SLC15A2: variants seen among roughly 807,000 people sequenced by gnomAD.
SLC15A2 encodes the protein solute carrier family 15 member 2.
Under a neutral mutation model 95.5 loss-of-function variants are expected in SLC15A2, and 77 were observed. That is an observed-to-expected ratio of 0.81 (90% CI 0.67 to 0.97). The LOEUF (loss-of-function observed/expected upper bound fraction) is 0.97. Ranked by LOEUF, SLC15A2 falls within the 50% of genes least tolerant of loss-of-function variation. The pLI is 0.00. For synonymous variants in SLC15A2, 306 were observed against 306.9 expected, an observed-to-expected ratio of 1.00 and a Z score of 0.03; for missense variants, 893 against 874.4, an observed-to-expected ratio of 1.02 and a Z score of -0.27.
chr3:121,917,455 G>A (rs563353927), intron 7 of SLC15A2, among the ~76,000 whole-genome samples: 59 of 152,268 alleles, frequency 3.9e-4, no homozygotes, highest in Admixed American at 5.2e-4. Context: ...TTGGGAGGCC[G>A]AGGCAGGAGG....
At chr3:121,912,586 C>T (rs533488829) in intron 4 of SLC15A2, among the ~76,000 whole-genome samples, 67 of 152,224 alleles carry the variant, frequency 4.4e-4, no homozygotes, top group Non-Finnish European at 6.0e-4. Context: ...AAATCTTTGA[C>T]ACTGTTGCTA....
chr3:121,904,707 G>C (rs1169955037), intron 3 of SLC15A2, among the ~76,000 whole-genome samples: 2 of 152,186 alleles, frequency 1.3e-5, no homozygotes, highest in African/African-American at 2.4e-5. Flanking sequence ...AAGCCGACTT[G>C]ATCATGGTGG....
At chr3:121,913,178 T>C (rs1576676884) in intron 5 of SLC15A2, 58 bp downstream of exon 5, 1 of 1,329,628 alleles carries the variant, frequency 7.5e-7, no homozygotes, top group East Asian at 2.3e-5. Context: ...AATGGGGGTA[T>C]CTGGCAGGTA....
intron 3 of SLC15A2, among the ~76,000 whole-genome samples, chr3:121,905,680 A>AGTTCTAATTTGATTGCACTGT (rs1709623591): frequency 6.6e-6 from 1 of 152,088 alleles, no homozygotes; most frequent in Non-Finnish European, 1.5e-5. Flanking sequence ...CTTAATCCTG[A>AGTTCTAATTTGATTGCACTGT]GTTCTAATTT....
chr3:121,920,749 G>T (rs1348207023), intron 7 of SLC15A2, among the ~76,000 whole-genome samples: 1 of 152,176 alleles, frequency 6.6e-6, no homozygotes, highest in African/African-American at 2.4e-5. Context: ...AGAAAAAGTG[G>T]TAGAGTGAAT....
In SLC15A2 at chr3:121,896,448, G is replaced by T. The variant is rs1011483074; in HGVS notation, c.148G>T (p.Val50Leu). ...CTATCCACTGAGCATTGCCTTCATT[G>T]TGGTGAATGAATTCTGCGAGCGCTT... is the stretch of plus-strand genomic sequence containing the variant. Reference protein sequence around the residue: ...SNYPLSIAFIVVNEFCERFSY... With the variant: ...SNYPLSIAFILVNEFCERFSY... The change falls in exon 2 of 22, where the codon GTG becomes TTG. Residue 50 changes from valine (V) to leucine (L), a missense_variant. Coordinates refer to ENST00000489711, the MANE Select transcript of SLC15A2 (RefSeq NM_021082.4). The T allele has an allele frequency of 5.5e-5, 89 of 1,614,010 alleles. No homozygotes were observed. Among genetic ancestry groups the T allele is most frequent in the Non-Finnish European group, 7.1e-5 (84 of 1,180,002 alleles).
At chr3:121,930,992 A>G (rs770229689) in intron 18 of SLC15A2, 42 bp downstream of exon 18, 2 of 1,355,098 alleles carry the variant, frequency 1.5e-6, no homozygotes, top group East Asian at 4.6e-5. Flanking sequence ...TTTGTCAATA[A>G]TTGTTTTTTA....
intron 11 of SLC15A2, among the ~76,000 whole-genome samples, chr3:121,923,923 T>C (rs1710058884): frequency 6.6e-6 from 1 of 152,184 alleles, no homozygotes; most frequent in Non-Finnish European, 1.5e-5. Flanking sequence ...TGGCTGTCTC[T>C]TATTTACCAT....
chr3:121,930,715 G>A, intron 17 of SLC15A2, 125 bp from the exon 18 acceptor site: 1 of 603,198 alleles, frequency 1.7e-6, no homozygotes, highest in South Asian at 2.1e-5. Flanking sequence ...CCTTTTATGT[G>A]CCAGCCACTA....
chr3:121,937,648 T>C (rs1392035734), intron 19 of SLC15A2, among the ~76,000 whole-genome samples: 1 of 152,190 alleles, frequency 6.6e-6, no homozygotes, highest in Non-Finnish European at 1.5e-5. Context: ...GTATTGGTTA[T>C]TTTAGTTATA....
chr3:121,936,632 C>A (rs1302556841), intron 19 of SLC15A2, among the ~76,000 whole-genome samples: 28 of 147,730 alleles, frequency 1.9e-4, no homozygotes, highest in South Asian at 6.5e-4. Flanking sequence ...TCTTCCTCCA[C>A]CCTTTTATTT....
Position 121,910,944 on chromosome 3 carries a change from C to G in SLC15A2, c.336-630C>G, listed in dbSNP as rs572000469. Among the ~76,000 whole-genome samples the G allele has an allele frequency of 2.6e-5, 4 of 152,322 alleles. No individual in the cohort carries two copies. In the East Asian group the frequency reaches 7.7e-4, roughly 29 times the overall value. On this transcript the variant is annotated intron_variant, in intron 3 of 21. Transcript: ENST00000489711. The stretch of plus-strand genomic sequence containing the variant: ...TCACTGGACAGTCTATTCTAAGTCC[C>G]TGGCTCCTTTCTTACCCTTGTTAAC...
chr3:121,928,133 C>T (rs1322197296), intron 14 of SLC15A2, among the ~76,000 whole-genome samples: 3 of 152,216 alleles, frequency 2.0e-5, no homozygotes, highest in Non-Finnish European at 4.4e-5. Flanking sequence ...TTTCTACATA[C>T]TCAAGTAAAA....
chr3:121,925,771 TATATATATATAAAA>T lies in SLC15A2; in HGVS notation c.1124+739_1124+752del, dbSNP rs1303562607. On this transcript the variant is annotated intron_variant, in intron 13 of 21. Coordinates refer to ENST00000489711, the MANE Select transcript of SLC15A2 (RefSeq NM_021082.4). ...ATATATATATATATATATATATATA[TATATATATATAAAA>T]TACAACTACTACACAGGTAAAATAA... 9.3e-4 allele frequency among the ~76,000 whole-genome samples: 62 copies of T among 66,370 alleles called. 1 individual carries two copies. Among genetic ancestry groups the T allele is most frequent in the African/African-American group, 3.8e-3 (53 of 14,038 alleles). The allele number at this position is 66,370 out of a possible 152,430, so 43.5% of individuals were successfully genotyped here. A position where few individuals can be genotyped will look rare whatever the true frequency, so the allele number is the denominator to read the frequency against.
intron 1 of SLC15A2, chr3:121,895,333 A>T (rs1709396690): frequency 6.6e-6 from 1 of 152,210 alleles, no homozygotes; most frequent in Non-Finnish European, 1.5e-5. Flanking sequence ...GTGTCGGCTA[A>T]ACTCCAGATT....
chr3:121,914,868 AAAAAAAAC>A (rs1327670304), intron 5 of SLC15A2: 36 of 422,200 alleles, frequency 8.5e-5, no homozygotes, highest in East Asian at 1.9e-4. Flanking sequence ...AAAAAAAAAA[AAAAAAAAC>A]CACAAACACA....
chr3:121,924,969 A>G lies in SLC15A2; in HGVS notation c.1060A>G (p.Ile354Val). Residue 354 changes from isoleucine (I) to valine (V), a missense_variant, in exon 13 of 22, where the codon ATC becomes GTC. Transcript: ENST00000489711. ...MQVLNPLLVLIFIPLFDFVIY... is the reference protein window; with the variant it reads ...MQVLNPLLVLVFIPLFDFVIY... ...GGTTCTAAATCCCCTTCTGGTTCTT[A>G]TCTTCATCCCGTTGTTTGACTTTGT... is the stretch of plus-strand genomic sequence containing the variant. 1.9e-6 allele frequency: 3 copies of G among 1,612,888 alleles called. No homozygotes were observed. Among genetic ancestry groups the G allele is most frequent in the African/African-American group, 1.3e-5 (1 of 75,018 alleles).
chr3:121,921,109 A>G (rs1709996653), intron 7 of SLC15A2, among the ~76,000 whole-genome samples: 1 of 152,262 alleles, frequency 6.6e-6, no homozygotes, highest in African/African-American at 2.4e-5. Context: ...ATATGTGGTT[A>G]AAGGACAGAG....
At chr3:121,914,565 A>G (rs73855476) in intron 5 of SLC15A2, among the ~76,000 whole-genome samples, 33,258 of 152,078 alleles carry the variant, frequency 0.22, 4,383 homozygotes, top group Admixed American at 0.37. Flanking sequence ...CCTACCACAC[A>G]CTCCTACCAC....
Sources: gnomAD v4.1 joint callset for allele counts (sites outside exome capture counted in the v4.1 genomes callset) on GRCh38, gnomAD v4.1.1 for gene constraint, MANE v1.5 for transcripts, NCBI Gene and HGNC (gene_info 2026-07-23, HGNC 2026-07-21) for gene names.